MTIF2: variants seen among roughly 807,000 people sequenced by gnomAD.
MTIF2 encodes the protein translation initiation factor IF-2, mitochondrial.
A neutral mutation model predicts 83.5 loss-of-function variants in MTIF2; 71 were observed. The observed-to-expected ratio is 0.85, with a 90% CI of 0.70 to 1.04. The LOEUF is 1.04. Ranked by LOEUF, MTIF2 falls within the 50% of genes least tolerant of loss-of-function variation. MTIF2 has a pLI of 0.00. For synonymous variants in MTIF2, 319 were observed against 287.1 expected, an observed-to-expected ratio of 1.11 and a Z score of -1.12; for missense variants, 957 against 846.5, an observed-to-expected ratio of 1.13 and a Z score of -1.62.
chr2:55,255,768 G>A (rs973028268), intron 5 of MTIF2, among the ~76,000 whole-genome samples: 1 of 152,060 alleles, frequency 6.6e-6, no homozygotes, highest in Non-Finnish European at 1.5e-5. Context: ...AGCTGAAACA[G>A]TGTCACCTCA....
At chr2:55,239,379 T>G (rs550964680) in intron 14 of MTIF2, among the ~76,000 whole-genome samples, 6 of 152,236 alleles carry the variant, frequency 3.9e-5, no homozygotes, top group African/African-American at 1.2e-4. Flanking sequence ...AGGACAAAAA[T>G]GAGGCAAATA....
chr2:55,251,909 AG>A (rs1359442396), intron 8 of MTIF2, among the ~76,000 whole-genome samples: 2 of 152,286 alleles, frequency 1.3e-5, no homozygotes, highest in African/African-American at 4.8e-5. Context: ...TCCAGGTGTG[AG>A]CCCCCACTCC....
intron 3 of MTIF2, among the ~76,000 whole-genome samples, chr2:55,264,307 T>C (rs542274538): frequency 1.3e-5 from 2 of 152,268 alleles, no homozygotes; most frequent in African/African-American, 4.8e-5. Flanking sequence ...TCACAGCTCA[T>C]TGCAGCCTCG....
chr2:55,240,685 G>C (rs954715657), intron 13 of MTIF2, among the ~76,000 whole-genome samples: 39 of 152,246 alleles, frequency 2.6e-4, no homozygotes, highest in African/African-American at 8.9e-4. Flanking sequence ...CTGTATTGTG[G>C]CTTGTTTAAC....
In MTIF2 at chr2:55,236,639, A is replaced by G; in HGVS notation, c.*9T>C. 2 of 1,578,660 alleles carry G rather than the reference A, an allele frequency of 1.3e-6. No homozygotes were observed. Among genetic ancestry groups the G allele is most frequent in the Non-Finnish European group, 1.7e-6 (2 of 1,167,320 alleles). The stretch of plus-strand genomic sequence containing the variant: ...AACACGTTGAGTTATTTACATTTTT[A>G]ATGTAATTTTAAAATCCTGGATCCC... On this transcript the variant is annotated 3_prime_UTR_variant, in exon 16 of 16. Coordinates refer to ENST00000263629, the MANE Select transcript of MTIF2 (RefSeq NM_002453.3).
intron 14 of MTIF2, 125 bp downstream of exon 14, chr2:55,239,886 T>C: frequency 1.2e-6 from 1 of 801,138 alleles, no homozygotes; most frequent in Non-Finnish European, 1.9e-6. Context: ...ATGGTAGTCA[T>C]TTTTTTCTAG....
intron 15 of MTIF2, 23 bp downstream of exon 15, chr2:55,237,265 T>C (rs746622593): frequency 1.3e-5 from 21 of 1,602,728 alleles, no homozygotes; most frequent in South Asian, 3.4e-5. Context: ...TATGCTATTA[T>C]AGGAGATTTT....
intron 5 of MTIF2, among the ~76,000 whole-genome samples, chr2:55,258,130 T>C (rs1677686184): frequency 6.6e-6 from 1 of 152,140 alleles, no homozygotes; most frequent in Non-Finnish European, 1.5e-5. Context: ...GTGACTTAAT[T>C]TTTTTAAATG....
chr2:55,239,921 T>C (rs1676174664), intron 14 of MTIF2, 90 bp downstream of exon 14: 3 of 1,164,878 alleles, frequency 2.6e-6, no homozygotes, highest in Non-Finnish European at 3.6e-6. Context: ...CTTTCAACAT[T>C]GAAAACGTTT....
At chr2:55,266,708 G>C (rs565625821) in intron 3 of MTIF2, among the ~76,000 whole-genome samples, 5 of 147,162 alleles carry the variant, frequency 3.4e-5, no homozygotes, top group Non-Finnish European at 7.4e-5. Flanking sequence ...AGAAATTAAG[G>C]CTCTGGACGG....
chr2:55,243,532 T>A lies in MTIF2; in HGVS notation c.1448A>T (p.His483Leu). ...AHQKAREKYG[H>L]LLWKKRSILR... is the part of the protein sequence containing the mutation. ...AATTGATCTCTTCTTCCACAGTAGA[T>A]GGCCATACTTCTCACGGGCTTTCTG... The change falls in exon 12 of 16, where the codon CAT becomes CTT. Residue 483 changes from histidine (H) to leucine (L), a missense_variant. His to Leu is a moderately conservative substitution (Grantham distance 99, BLOSUM62 -3). Coordinates refer to ENST00000263629, the MANE Select transcript of MTIF2 (RefSeq NM_002453.3). 6.2e-7 allele frequency: 1 copy of A among 1,614,138 alleles called. No individual in the cohort carries two copies. Among genetic ancestry groups the A allele is most frequent in the Non-Finnish European group, 8.5e-7 (1 of 1,179,996 alleles).
At position 55,246,331 on chromosome 2, in the gene MTIF2, T is replaced by C; in HGVS notation, c.1106+6A>G. The stretch of plus-strand genomic sequence containing the variant: ...ATTAAAAAGGCAAGCATTTTAAGAG[T>C]CCTACCCTCTTCCTTTGTCTGTGAA... On this transcript the variant is annotated splice_donor_region_variant and intron_variant, in intron 10 of 15. Transcript: ENST00000263629. 6.2e-7 allele frequency: 1 copy of C among 1,611,774 alleles called. No homozygotes were observed. The highest frequency in any genetic ancestry group is 1.1e-5 in the South Asian group (1 of 90,724).
At chr2:55,255,209 T>C (rs1677415780) in intron 5 of MTIF2, among the ~76,000 whole-genome samples, 1 of 151,418 alleles carries the variant, frequency 6.6e-6, no homozygotes, top group Non-Finnish European at 1.5e-5. Context: ...ATTGCCATTA[T>C]TTGCAATAAT....
Position 55,239,302 on chromosome 2 carries a change from C to A in MTIF2, c.1870+709G>T, listed in dbSNP as rs548689662. On this transcript the variant is annotated intron_variant, in intron 14 of 15. Coordinates refer to ENST00000263629, the MANE Select transcript of MTIF2 (RefSeq NM_002453.3). ...CTTAGCAGATGTACATATTTAGAGGCAAATGGGCACTATATCTCAAACATT... is the reference window on the plus strand; with the variant it reads ...CTTAGCAGATGTACATATTTAGAGGAAAATGGGCACTATATCTCAAACATT... Among the ~76,000 whole-genome samples the A allele has an allele frequency of 1.2e-3, 176 of 152,160 alleles. 1 individual carries two copies. The highest frequency in any genetic ancestry group is 4.0e-3 in the African/African-American group (167 of 41,492).
rs746231962 is a variant in MTIF2 at position 55,236,630 on chromosome 2, T to C, written c.*18A>G. ...CAAACAAACAACACGTTGAGTTATTTACATTTTTAATGTAATTTTAAAATC... is the reference window on the plus strand; with the variant it reads ...CAAACAAACAACACGTTGAGTTATTCACATTTTTAATGTAATTTTAAAATC... On this transcript the variant is annotated 3_prime_UTR_variant, in exon 16 of 16. Coordinates refer to ENST00000263629, the MANE Select transcript of MTIF2 (RefSeq NM_002453.3). 5 of 1,572,514 alleles carry C rather than the reference T, an allele frequency of 3.2e-6. No individual in the cohort carries two copies. The African/African-American group carries it at 6.9e-5, about 22-fold the overall frequency.
intron 7 of MTIF2, 48 bp downstream of exon 7, chr2:55,253,993 A>C: frequency 6.3e-7 from 1 of 1,593,432 alleles, no homozygotes; most frequent in Non-Finnish European, 8.6e-7. Flanking sequence ...TAGTTTAAGA[A>C]AATAAGTGGG....
intron 4 of MTIF2, 54 bp downstream of exon 4, chr2:55,263,586 G>A (rs1300465272): frequency 1.3e-5 from 18 of 1,396,626 alleles, no homozygotes; most frequent in Non-Finnish European, 1.8e-5. Context: ...CTCCAGCCGG[G>A]GTGACAGGGT....
At chr2:55,245,041 C>A (rs1489301993) in intron 10 of MTIF2, among the ~76,000 whole-genome samples, 1 of 149,538 alleles carries the variant, frequency 6.7e-6, no homozygotes, top group East Asian at 2.0e-4. Flanking sequence ...AGTGAGACTG[C>A]AACTCAAAAA....
chr2:55,242,794 T>C (rs17432206), intron 13 of MTIF2, 146 bp downstream of exon 13: 10,574 of 738,374 alleles, frequency 0.014, 107 homozygotes, highest in Non-Finnish European at 0.019. Flanking sequence ...AAGTTTCAAT[T>C]GCTAGCTGGG....
Sources: gnomAD v4.1 joint callset for allele counts (sites outside exome capture counted in the v4.1 genomes callset) on GRCh38, gnomAD v4.1.1 for gene constraint, MANE v1.5 for transcripts, NCBI Gene and HGNC (gene_info 2026-07-23, HGNC 2026-07-21) for gene names.